DLC1: variants seen among roughly 807,000 people sequenced by gnomAD.
The protein encoded by DLC1 is DLC1 Rho GTPase activating protein.
In DLC1, 54 loss-of-function variants were observed where a neutral mutation model predicts 140.3. That is an observed-to-expected ratio of 0.38 (90% confidence interval 0.31 to 0.48). DLC1 has a LOEUF of 0.48. Ranked by LOEUF, DLC1 falls within the 20% of genes least tolerant of loss-of-function variation. DLC1 has a pLI of 0.96. For synonymous variants in DLC1, 986 were observed against 728.1 expected (o/e 1.35, Z -5.70); for missense variants, 2,536 against 1,907.0 (o/e 1.33, Z -6.14).
chr8:13,413,555 T>C (rs769901592), intron 2 of DLC1, among the ~76,000 whole-genome samples: 14 of 152,048 alleles, frequency 9.2e-5, no homozygotes, highest in African/African-American at 3.1e-4. Flanking sequence ...ATATCTGATA[T>C]GGTTTGGCTT....
Position 13,100,341 on chromosome 8 carries a change from T to G in DLC1, c.1996A>C (p.Ser666Arg). ...HEKTAKSKTR[S>R]LLKRMESLKL... ...AGGCTCTCCATCCGTTTCAGCAGACTGCGCGTCTTGGACTTGGCAGTTTTT... is the reference window on the plus strand; with the variant it reads ...AGGCTCTCCATCCGTTTCAGCAGACGGCGCGTCTTGGACTTGGCAGTTTTT... The change falls in exon 9 of 18, where the codon AGT (serine) becomes CGT (arginine). Residue 666 changes from serine (S) to arginine (R), a missense_variant. By Grantham distance (110) the Ser-to-Arg change is moderately radical. Coordinates refer to ENST00000276297, the MANE Select transcript of DLC1 (RefSeq NM_182643.3). The G allele has an allele frequency of 2.5e-6, 4 of 1,614,242 alleles. No individual in the cohort carries two copies. Among genetic ancestry groups the G allele is most frequent in the South Asian group, 1.1e-5 (1 of 91,088 alleles).
intron 1 of DLC1, among the ~76,000 whole-genome samples, chr8:13,602,338 A>T (rs949452319): frequency 4.0e-5 from 6 of 151,792 alleles, no homozygotes; most frequent in Admixed American, 6.6e-5. Context: ...AATAAATACC[A>T]AAAAAGACAC....
At chr8:13,414,192 T>A (rs557179154) in intron 2 of DLC1, among the ~76,000 whole-genome samples, 2 of 152,182 alleles carry the variant, frequency 1.3e-5, no homozygotes, top group Non-Finnish European at 2.9e-5. Context: ...AATTAAAAAT[T>A]TTTTGGTACA....
chr8:13,401,657 C>T (rs777974895), intron 2 of DLC1, 38 bp from the exon 3 acceptor site: 4 of 1,589,924 alleles, frequency 2.5e-6, no homozygotes, highest in Admixed American at 1.8e-5. Flanking sequence ...ATCTGAAAGG[C>T]CATTTCTTAA....
At chr8:13,262,185 A>G (rs989734126) in intron 5 of DLC1, among the ~76,000 whole-genome samples, 2 of 152,206 alleles carry the variant, frequency 1.3e-5, no homozygotes, top group Admixed American at 6.5e-5. Context: ...CTGAATATGT[A>G]AATGAAGGAC....
In DLC1 at chr8:13,202,992, CCTTT is replaced by C. The variant is rs1166041124; in HGVS notation, c.1349-87339_1349-87336del. On this transcript the variant is annotated intron_variant, in intron 5 of 17. Transcript: ENST00000276297. ...TTCCCCCTTGTAACACATCTTATTT[CCTTT>C]CTTTATCAAAATTAGCTTGAGATTT... is the stretch of plus-strand genomic sequence containing the variant. 2.0e-5 allele frequency among the ~76,000 whole-genome samples: 3 copies of C among 152,130 alleles called. No individual in the cohort carries two copies. In the East Asian group the frequency reaches 5.8e-4, roughly 29 times the overall value.
At chr8:13,325,306 G>A (rs1563254435) in intron 4 of DLC1, among the ~76,000 whole-genome samples, 1 of 152,208 alleles carries the variant, frequency 6.6e-6, no homozygotes, top group Admixed American at 6.5e-5. Context: ...TGAGGAAACT[G>A]TTCGATTATT....
intron 2 of DLC1, among the ~76,000 whole-genome samples, chr8:13,492,762 C>A (rs78242020): frequency 3.9e-5 from 6 of 152,198 alleles, no homozygotes; most frequent in Admixed American, 2.0e-4. Flanking sequence ...CTAGCGTTTT[C>A]ATTTATCTTA....
Position 13,095,115 on chromosome 8 carries a change from G to T in DLC1, c.3298C>A (p.Arg1100=), listed in dbSNP as rs763428774. ...TCCAAACAATGGTTCCGGAGGTATCGCATGGCCTGCTGGATGCTCTGAGGC... is the reference window on the plus strand; with the variant it reads ...TCCAAACAATGGTTCCGGAGGTATCTCATGGCCTGCTGGATGCTCTGAGGC... ...PLPQSIQQAM[R]YLRNHCLDQV... The change falls in exon 11 of 18, where the codon CGA becomes AGA. Residue 1100 remains arginine (R), a synonymous_variant. Coordinates refer to ENST00000276297, the MANE Select transcript of DLC1 (RefSeq NM_182643.3). 1.2e-6 allele frequency: 2 copies of T among 1,614,138 alleles called. No homozygotes were observed. The highest frequency in any genetic ancestry group is 1.6e-4 in the Middle Eastern group (1 of 6,084).
chr8:13,314,959 C>A (rs1832809069), intron 4 of DLC1, among the ~76,000 whole-genome samples: 1 of 152,202 alleles, frequency 6.6e-6, no homozygotes, highest in Admixed American at 6.5e-5. Flanking sequence ...CACCATGATA[C>A]CAGGATCAGT....
intron 1 of DLC1, among the ~76,000 whole-genome samples, chr8:13,504,097 C>T (rs1341080265): frequency 6.7e-6 from 1 of 148,186 alleles, no homozygotes; most frequent in African/African-American, 2.5e-5. Flanking sequence ...TGGAGGGTAA[C>T]ATTTATCAGA....
At chr8:13,518,592 A>T (rs1352475897), upstream of DLC1, among the ~76,000 whole-genome samples, 1 of 152,266 alleles carries the variant, frequency 6.6e-6, no homozygotes, top group Admixed American at 6.5e-5. Flanking sequence ...CTTTGAAAAT[A>T]GTGTTTTACT....
intron 2 of DLC1, among the ~76,000 whole-genome samples, chr8:13,471,104 G>C (rs1800185444): frequency 6.6e-6 from 1 of 151,902 alleles, no homozygotes; most frequent in Non-Finnish European, 1.5e-5. Context: ...CATAGAAATA[G>C]TGAGTAGAAT....
intron 2 of DLC1, among the ~76,000 whole-genome samples, chr8:13,497,650 G>T (rs1197377953): frequency 2.0e-5 from 3 of 152,174 alleles, no homozygotes; most frequent in African/African-American, 7.2e-5. Flanking sequence ...GCAGTTGGGT[G>T]GAGTTTGTTT....
At chr8:13,123,431 C>T (rs1190892820) in intron 5 of DLC1, among the ~76,000 whole-genome samples, 2 of 152,094 alleles carry the variant, frequency 1.3e-5, no homozygotes, top group African/African-American at 4.8e-5. Context: ...ACCTCTGTCT[C>T]CCAGGTTCAA....
chr8:13,233,177 C>T (rs1829126501), intron 5 of DLC1, among the ~76,000 whole-genome samples: 1 of 151,684 alleles, frequency 6.6e-6, no homozygotes, highest in Non-Finnish European at 1.5e-5. Flanking sequence ...CACCTGTGAT[C>T]CTAGCTACTC....
intron 16 of DLC1, among the ~76,000 whole-genome samples, chr8:13,088,105 A>C (rs1817716788): frequency 6.6e-6 from 1 of 152,200 alleles, no homozygotes; most frequent in Admixed American, 6.5e-5. Flanking sequence ...TTCAGAAATA[A>C]GGTCTTGCTC....
At chr8:13,219,738 C>T (rs980939414) in intron 5 of DLC1, among the ~76,000 whole-genome samples, 2 of 151,916 alleles carry the variant, frequency 1.3e-5, no homozygotes, top group African/African-American at 4.8e-5. Context: ...ATGTTCATTG[C>T]AGCACTATTT....
rs1554514491 is a variant in DLC1, at chr8:13,406,181, G to GTTTTTTTTTTTGTTTTT, written c.1024-4563_1024-4562insAAAAACAAAAAAAAAAA. ...GCCACCATCCCCAGCTAATTTTTGT[G>GTTTTTTTTTTTGTTTTT]TTTTTTTTTTTTTTTTTCAGTGGAG... On this transcript the variant is annotated intron_variant, in intron 2 of 17. Coordinates refer to ENST00000276297, the MANE Select transcript of DLC1 (RefSeq NM_182643.3). Among the ~76,000 whole-genome samples, 528 of 84,872 alleles carry GTTTTTTTTTTTGTTTTT rather than the reference G, an allele frequency of 6.2e-3. 30 individuals are homozygous for GTTTTTTTTTTTGTTTTT. The highest frequency in any genetic ancestry group is 0.024 in the African/African-American group (509 of 20,972). 55.7% of individuals were successfully genotyped at this position (84,872 alleles called of 152,430 possible).
Sources: gnomAD v4.1 joint callset for allele counts (sites outside exome capture counted in the v4.1 genomes callset) on GRCh38, gnomAD v4.1.1 for gene constraint, MANE v1.5 for transcripts, NCBI Gene and HGNC (gene_info 2026-07-23, HGNC 2026-07-21) for gene names.